Variants in SUZ12 observed in about 807,000 individuals in gnomAD.
SUZ12 encodes the protein SUZ12 polycomb repressive complex 2 subunit, also known as polycomb protein SUZ12.
In SUZ12, 17 loss-of-function variants were observed where a neutral mutation model predicts 87.3. The ratio of observed to expected loss-of-function variants is 0.19; its 90% CI spans 0.13 to 0.29. The LOEUF is 0.29. Among genes scored for constraint, SUZ12 ranks in the 10% least tolerant of loss-of-function variants. SUZ12 has a pLI of 1.00. For synonymous variants in SUZ12, 253 were observed against 312.4 expected (o/e 0.81, Z 2.01); for missense variants, 526 against 912.2 (o/e 0.58, Z 5.45).
At position 31,954,228 on chromosome 17, in the gene SUZ12, A is replaced by G. The variant is rs371111857; in HGVS notation, c.455+6543A>G. Among the ~76,000 whole-genome samples, 17 of 151,724 alleles carry G rather than the reference A, an allele frequency of 1.1e-4. No homozygotes were observed. In the South Asian group the frequency reaches 3.5e-3, roughly 32 times the overall value. On this transcript the variant is annotated intron_variant, in intron 4 of 15. Transcript: ENST00000322652. Reference sequence around the variant, plus strand: ...CAGGCACACACCACCACGCCCGGTTAACTTTTGTATTTTTGGTAGAGACGG... The same window carrying G: ...CAGGCACACACCACCACGCCCGGTTGACTTTTGTATTTTTGGTAGAGACGG...
In SUZ12 at chr17:31,988,127, C is replaced by T. The variant is rs1598184198; in HGVS notation, c.1024-193C>T. Among the ~76,000 whole-genome samples, 4 of 152,246 alleles carry T rather than the reference C, an allele frequency of 2.6e-5. No homozygotes were observed. The South Asian group carries it at 8.3e-4, about 32-fold the overall frequency. On this transcript the variant is annotated intron_variant, in intron 9 of 15. Transcript: ENST00000322652. ...CCTCTTTTAGACAGCCTGTGCTCTC[C>T]AGTTCAAGTTCTACAGTGTCTGGTC... is the stretch of plus-strand genomic sequence containing the variant.
In SUZ12 at chr17:31,972,620, C is replaced by T. The variant is rs35484522; in HGVS notation, c.506-526C>T. 1.8e-4 allele frequency among the ~76,000 whole-genome samples: 28 copies of T among 152,240 alleles called. 1 individual carries two copies. The highest frequency in any genetic ancestry group is 1.2e-3 in the Admixed American group (18 of 15,288). ...TTGTAGAGACGAGGTTTCTGTGTTG[C>T]GCAGGCTGGTCTTGAACTCTTGGCC... On this transcript the variant is annotated intron_variant, in intron 5 of 15. Coordinates refer to ENST00000322652, the MANE Select transcript of SUZ12 (RefSeq NM_015355.4).
chr17:31,965,674 T>C (rs1719373126), intron 4 of SUZ12: 1 of 152,362 alleles, frequency 6.6e-6, no homozygotes, highest in Non-Finnish European at 1.5e-5. Context: ...TTTTTTTGCA[T>C]GGATTTAGCT....
intron 3 of SUZ12, among the ~76,000 whole-genome samples, chr17:31,943,459 A>T (rs7218986): frequency 0.89 from 135,654 of 152,228 alleles, 60,737 homozygotes; most frequent in East Asian, 0.98. Context: ...ACAGGCCTAC[A>T]AATGAGAAAT....
chr17:31,947,389 A>T (rs1158133440), intron 3 of SUZ12, among the ~76,000 whole-genome samples: 1 of 152,196 alleles, frequency 6.6e-6, no homozygotes, highest in Non-Finnish European at 1.5e-5. Context: ...AATTGGGTAA[A>T]AGGTTTAATG....
chr17:31,958,063 C>T (rs1300984761), intron 4 of SUZ12, among the ~76,000 whole-genome samples: 1 of 151,760 alleles, frequency 6.6e-6, no homozygotes, highest in Admixed American at 6.6e-5. Flanking sequence ...CCATCACGCC[C>T]GGCTAATTTT....
intron 4 of SUZ12, among the ~76,000 whole-genome samples, chr17:31,958,551 A>C (rs1054413169): frequency 1.3e-5 from 2 of 151,952 alleles, no homozygotes; most frequent in African/African-American, 4.8e-5. Flanking sequence ...TCTCTACTAA[A>C]AATCCAAAAA....
intron 4 of SUZ12, among the ~76,000 whole-genome samples, chr17:31,954,379 A>T (rs766200285): frequency 6.6e-6 from 1 of 152,074 alleles, no homozygotes; most frequent in African/African-American, 2.4e-5. Flanking sequence ...TTTTGATGCA[A>T]CCTAAGCTTT....
chr17:31,972,538 G>A (rs1908504972), intron 5 of SUZ12, among the ~76,000 whole-genome samples: 1 of 151,930 alleles, frequency 6.6e-6, no homozygotes, highest in Non-Finnish European at 1.5e-5. Flanking sequence ...TAGCCTCTGA[G>A]GTAGCTAGGA....
chr17:31,983,295 A>AG (rs1909220262), intron 9 of SUZ12, among the ~76,000 whole-genome samples, 191 bp downstream of exon 9: 1 of 66,498 alleles, frequency 1.5e-5, no homozygotes, highest in South Asian at 4.8e-4. Flanking sequence ...TTTTTTTTTG[A>AG]GGGGGAGTCT....
intron 5 of SUZ12, among the ~76,000 whole-genome samples, chr17:31,972,383 GTATATA>G (rs71142099): frequency 0.019 from 2,689 of 144,668 alleles, 77 homozygotes; most frequent in African/African-American, 0.062. Flanking sequence ...GTTTGTGTGT[GTATATA>G]TATATATATA....
chr17:31,956,197 G>A (rs1049902040), intron 4 of SUZ12, among the ~76,000 whole-genome samples: 4 of 151,854 alleles, frequency 2.6e-5, no homozygotes, highest in Non-Finnish European at 5.9e-5. Context: ...ACAGGCGTGA[G>A]CCACCACGCC....
chr17:31,953,683 C>G (rs1380818514), intron 4 of SUZ12, among the ~76,000 whole-genome samples: 1 of 151,286 alleles, frequency 6.6e-6, no homozygotes, highest in African/African-American at 2.4e-5. Flanking sequence ...GCTGAGATTA[C>G]AGGAATGAGC....
At chr17:31,967,059 C>G (rs138709207) in intron 5 of SUZ12, 4 of 151,776 alleles carry the variant, frequency 2.6e-5, no homozygotes, top group African/African-American at 9.7e-5. Flanking sequence ...ATTAGCCAGG[C>G]GTGGTGGTGG....
chr17:31,995,912 C>CTT (rs932027619), intron 14 of SUZ12, 150 bp downstream of exon 14: 4 of 699,198 alleles, frequency 5.7e-6, no homozygotes, highest in Non-Finnish European at 9.3e-6. Flanking sequence ...AATTATGTCA[C>CTT]TTTAAAAGTT....
intron 5 of SUZ12, among the ~76,000 whole-genome samples, chr17:31,969,876 GA>G (rs934030396): frequency 3.3e-5 from 5 of 151,104 alleles, no homozygotes; most frequent in African/African-American, 9.7e-5. Context: ...TCAAAACAAG[GA>G]AAAAAAAATT....
chr17:31,954,341 G>T (rs761917677), intron 4 of SUZ12, among the ~76,000 whole-genome samples: 1 of 152,180 alleles, frequency 6.6e-6, no homozygotes, highest in Non-Finnish European at 1.5e-5. Flanking sequence ...GATTGCAGGC[G>T]TGAGCCTCTG....
intron 6 of SUZ12, among the ~76,000 whole-genome samples, chr17:31,974,142 C>T (rs923601511): frequency 2.4e-4 from 36 of 151,614 alleles, no homozygotes; most frequent in Non-Finnish European, 4.7e-4. Flanking sequence ...CCCAGTAAGT[C>T]GAGGCTGCAG....
At position 31,993,895 on chromosome 17, in the gene SUZ12, A is replaced by T; in HGVS notation, c.1324A>T (p.Thr442Ser). Residue 442 changes from threonine to serine, a missense_variant, in exon 12 of 16, where the codon ACT (threonine) becomes TCT (serine). Around this residue, in one of 9 missense-constraint regions of SUZ12, gnomAD observed 143 missense variants for 321.6 expected, o/e 0.44. Transcript: ENST00000322652. ...CTATAACAACAATACAAGGCAACAA[A>T]CTGAAGCAAGAGATGACCTGCATTG... is the stretch of plus-strand genomic sequence containing the variant. ...FLYNNNTRQQ[T>S]EARDDLHCPW... is the part of the protein sequence containing the mutation. 6.2e-7 allele frequency: 1 copy of T among 1,613,056 alleles called. No homozygotes were observed. Among genetic ancestry groups the T allele is most frequent in the Non-Finnish European group, 8.5e-7 (1 of 1,179,716 alleles).
Sources: gnomAD v4.1 joint callset for allele counts (sites outside exome capture counted in the v4.1 genomes callset) on GRCh38, gnomAD v4.1.1 for gene constraint, gnomAD v4.1.1 regional missense constraint, MANE v1.5 for transcripts, NCBI Gene and HGNC (gene_info 2026-07-23, HGNC 2026-07-21) for gene names.